Variants in OCM2 observed in about 807,000 individuals in gnomAD.
OCM2 encodes the protein oncomodulin 2, also known as oncomodulin-2.
In OCM2, 6 loss-of-function variants were observed where a neutral mutation model predicts 13.6. That is an observed-to-expected ratio of 0.44 (90% CI 0.24 to 0.87). OCM2 has a LOEUF of 0.87. Among genes scored for constraint, OCM2 ranks in the 40% least tolerant of loss-of-function variants. The probability of loss-of-function intolerance (pLI) is 0.22; values close to 1 mark genes in which losing one functional copy is unlikely to be tolerated. For synonymous variants in OCM2, 40 were observed against 50.7 expected (o/e 0.79, Z 0.90); for missense variants, 118 against 136.8 (o/e 0.86, Z 0.68).
intron 1 of OCM2, among the ~76,000 whole-genome samples, chr7:97,988,944 T>TG (rs1335981823): frequency 6.6e-6 from 1 of 150,456 alleles, no homozygotes; most frequent in East Asian, 1.9e-4. Context: ...TTTTTTTTTT[T>TG]TTTTTGAGAC....
At chr7:97,988,188 C>CA (rs66591146) in intron 2 of OCM2, among the ~76,000 whole-genome samples, 18,577 of 147,056 alleles carry the variant, frequency 0.13, 1,405 homozygotes, top group South Asian at 0.25. Context: ...GGCCCTGTCT[C>CA]AAAAAAAAAA....
chr7:97,990,016 T>TGGCGCCCCCC, intron 1 of OCM2, 28 bp downstream of exon 1: 6 of 1,083,836 alleles, frequency 5.5e-6, no homozygotes, highest in Non-Finnish European at 7.0e-6. Context: ...TGTGAGGAAA[T>TGGCGCCCCCC]CCCACCCCCG....
At position 97,987,046 on chromosome 7, in the gene OCM2, C is replaced by A. The variant is rs947909939; in HGVS notation, c.304+1G>T. The stretch of plus-strand genomic sequence containing the variant: ...TATGCTACGTACACGTGTGGACATA[C>A]CCTCTGCTCCAATTTTCCCATCTCC... On this transcript the variant is annotated splice_donor_variant, in intron 3 of 3. Coordinates refer to ENST00000257627, the Ensembl canonical transcript of OCM2. LOFTEE classifies it high-confidence loss of function. 1.2e-6 allele frequency: 2 copies of A among 1,612,884 alleles called. No homozygotes were observed. Among genetic ancestry groups the A allele is most frequent in the Non-Finnish European group, 1.7e-6 (2 of 1,179,396 alleles).
rs1794696306 is a variant in OCM2 at position 97,988,595 on chromosome 7, C to T, written c.62-47G>A. The T allele has an allele frequency of 3.1e-6, 5 of 1,611,922 alleles. No individual in the cohort carries two copies. In the Middle Eastern group the frequency reaches 4.9e-4, roughly 159 times the overall value. Reference sequence around the variant, plus strand: ...ATTCTGACACTCATTGGATCACATTCTATGTTGGGGCCAAGGTACTGAAAA... The same window carrying T: ...ATTCTGACACTCATTGGATCACATTTTATGTTGGGGCCAAGGTACTGAAAA... On this transcript the variant is annotated intron_variant, in intron 1 of 3. Coordinates refer to ENST00000257627, the Ensembl canonical transcript of OCM2.
Position 97,987,119 on chromosome 7 carries a change from G to A in OCM2, c.232C>T (p.Leu78=), listed in dbSNP as rs1372581290. The A allele has an allele frequency of 2.5e-6, 4 of 1,613,704 alleles. No homozygotes were observed. The Admixed American group carries it at 5.0e-5, about 20-fold the overall frequency. ...AAGGACTTGGTTTCTGACTCGGTCA[G>A]TTCTCTGGCACCACTCTCAAACTTC... The change falls in exon 3 of 4, where the codon CTG becomes TTG. Residue 78 remains leucine, a synonymous_variant. Transcript: ENST00000257627.
intron 1 of OCM2, 28 bp downstream of exon 1, chr7:97,990,016 T>TGGGGCCCC: frequency 9.2e-6 from 10 of 1,083,832 alleles, no homozygotes; most frequent in Non-Finnish European, 1.4e-5. Context: ...TGTGAGGAAA[T>TGGGGCCCC]CCCACCCCCG....
At position 97,990,168 on chromosome 7, in the gene OCM2, A is replaced by G. The variant is rs370621121; in HGVS notation, c.-64T>C. The G allele has an allele frequency of 4.6e-4, 687 of 1,477,752 alleles. 6 individuals carry two copies. The African/African-American group carries it at 8.9e-3, about 19-fold the overall frequency. The allele number at this position is 1,477,752 out of a possible 1,614,324, so 91.5% of individuals were successfully genotyped here. ...GCCACAAACAGGAACGTGCACATCC[A>G]GGGGAAACACATCTTCCCAGGCCCA... On this transcript the variant is annotated 5_prime_UTR_variant, in exon 1 of 4. Transcript: ENST00000257627.
chr7:97,988,381 TG>T (rs1329455375), intron 2 of OCM2, 34 bp downstream of exon 2: 1 of 1,613,150 alleles, frequency 6.2e-7, no homozygotes, highest in Non-Finnish European at 8.5e-7. Flanking sequence ...CACCCAGCAG[TG>T]CCAGGTACCA....
In OCM2 at chr7:97,987,042, C is replaced by T. The variant is rs1584170096; in HGVS notation, c.304+5G>A. 5.0e-6 allele frequency: 8 copies of T among 1,613,024 alleles called. No homozygotes were observed. The East Asian group carries it at 1.3e-4, about 27-fold the overall frequency. On this transcript the variant is annotated splice_donor_5th_base_variant and intron_variant, in intron 3 of 3. Transcript: ENST00000257627. The stretch of plus-strand genomic sequence containing the variant: ...GTTTTATGCTACGTACACGTGTGGA[C>T]ATACCCTCTGCTCCAATTTTCCCAT...
At position 97,987,160 on chromosome 7, in the gene OCM2, C is replaced by T. The variant is rs1794680430; in HGVS notation, c.195-4G>A. On this transcript the variant is annotated splice_polypyrimidine_tract_variant and splice_region_variant and intron_variant, in intron 2 of 3. Coordinates refer to ENST00000257627, the Ensembl canonical transcript of OCM2. ...CTCAAACTTCTGGAGGAAAAACCTACAGGATAATAAAGATCCATGGGGATT... is the reference window on the plus strand; with the variant it reads ...CTCAAACTTCTGGAGGAAAAACCTATAGGATAATAAAGATCCATGGGGATT... 1 of 1,613,318 alleles carries T rather than the reference C, an allele frequency of 6.2e-7. No homozygotes were observed. Among genetic ancestry groups the T allele is most frequent in the Non-Finnish European group, 8.5e-7 (1 of 1,179,440 alleles).
At chr7:97,988,496 C>A in exon 2 of OCM2, 1 of 1,614,144 alleles carries the variant, frequency 6.2e-7, no homozygotes. Flanking sequence ...TGGCTGACAT[C>A]TTGGAGAGGC....
At chr7:97,990,018 C>CCCG in intron 1 of OCM2, 26 bp downstream of exon 1, 1 of 722,990 alleles carries the variant, frequency 1.4e-6, no homozygotes, top group Non-Finnish European at 2.4e-6. Flanking sequence ...TGAGGAAATC[C>CCCG]CACCCCCGCC....
intron 3 of OCM2, among the ~76,000 whole-genome samples, chr7:97,985,498 A>G (rs1331050149): frequency 1.3e-5 from 2 of 152,078 alleles, no homozygotes; most frequent in African/African-American, 2.4e-5. Flanking sequence ...AAGGAAGTCC[A>G]CAGGGTTCCT....
intron 3 of OCM2, among the ~76,000 whole-genome samples, chr7:97,985,418 C>CAAAAA (rs60506626): frequency 2.2e-5 from 2 of 89,664 alleles, no homozygotes; most frequent in South Asian, 3.9e-4. Context: ...GACTCCATCT[C>CAAAAA]AAAAAAAAAA....
intron 3 of OCM2, among the ~76,000 whole-genome samples, chr7:97,985,351 G>A (rs1490941183): frequency 1.3e-5 from 2 of 150,092 alleles, no homozygotes; most frequent in African/African-American, 2.4e-5. Context: ...CCTGGGAGGC[G>A]GAGGTTGCAG....
chr7:97,988,668 G>T (rs1488708099), intron 1 of OCM2, 120 bp from the exon 2 acceptor site: 3 of 1,324,636 alleles, frequency 2.3e-6, no homozygotes, highest in Non-Finnish European at 3.2e-6. Flanking sequence ...CTACGGGGAT[G>T]CTCAACTGGT....
intron 1 of OCM2, among the ~76,000 whole-genome samples, chr7:97,989,026 G>T (rs555797693): frequency 5.2e-4 from 78 of 151,338 alleles, no homozygotes; most frequent in Non-Finnish European, 9.7e-4. Flanking sequence ...TGCCTCCCAG[G>T]TTCAACTGAT....
At chr7:97,986,973 G>C in intron 3 of OCM2, 74 bp downstream of exon 3, 1 of 1,599,830 alleles carries the variant, frequency 6.3e-7, no homozygotes, top group Non-Finnish European at 8.5e-7. Flanking sequence ...ACATTGGTTT[G>C]ATCTCACAGC....
exon 4 of OCM2, chr7:97,984,952 G>A (rs1420980867): frequency 1.2e-6 from 2 of 1,612,934 alleles, no homozygotes; most frequent in African/African-American, 1.3e-5. Flanking sequence ...CCAGAGACTG[G>A]GGCTTTTAAG....
Sources: gnomAD v4.1 joint callset for allele counts (sites outside exome capture counted in the v4.1 genomes callset) on GRCh38, gnomAD v4.1.1 for gene constraint, MANE v1.5 for transcripts, NCBI Gene and HGNC (gene_info 2026-07-23, HGNC 2026-07-21) for gene names.